Variants in DIP2C observed in about 807,000 individuals in gnomAD.
DIP2C encodes DIP2 acetate--CoA ligase C (putative), also known as disco-interacting protein 2 homolog C.
In DIP2C, 33 loss-of-function variants were observed where a neutral mutation model predicts 192.4. The ratio of observed to expected loss-of-function variants is 0.17; its 90% CI spans 0.13 to 0.23. The LOEUF is 0.23. Ranked by LOEUF, DIP2C falls within the 10% of genes least tolerant of loss-of-function variation. The probability of loss-of-function intolerance (pLI) is 1.00; values close to 1 mark genes in which losing one functional copy is unlikely to be tolerated. For synonymous variants in DIP2C, 979 were observed against 864.1 expected (o/e 1.13, Z -2.33); for missense variants, 1,537 against 2,110.1 (o/e 0.73, Z 5.32).
Position 544,198 on chromosome 10 carries a change from T to G in DIP2C, c.86-57668A>C, listed in dbSNP as rs145308769. Among the ~76,000 whole-genome samples the G allele has an allele frequency of 3.9e-3, 585 of 151,892 alleles. 9 individuals carry two copies. The highest frequency in any genetic ancestry group is 0.013 in the African/African-American group (548 of 41,198). The stretch of plus-strand genomic sequence containing the variant: ...TCTTTCCCGTTCAAGGTGAGTGGAA[T>G]TGCACAGTGCTTGACCTTTGGTGTG... On this transcript the variant is annotated intron_variant, in intron 1 of 36. Transcript: ENST00000280886.
At chr10:293,172 A>C (rs1955576957) in intron 32 of DIP2C, among the ~76,000 whole-genome samples, 1 of 152,130 alleles carries the variant, frequency 6.6e-6, no homozygotes, top group Admixed American at 6.5e-5. Flanking sequence ...CCACACCACT[A>C]CTCAGCACTG....
chr10:408,977 A>G lies in DIP2C; in HGVS notation c.1098T>C (p.Ile366=), dbSNP rs1166119101. 6.2e-7 allele frequency: 1 copy of G among 1,614,176 alleles called. No homozygotes were observed. The highest frequency in any genetic ancestry group is 2.2e-5 in the East Asian group (1 of 44,886). ...WTRSMKVAYS[I]LHKLGTKQEP... is the part of the protein sequence containing the mutation. ...CCTGCTTTGTGCCTAATTTGTGTAG[A>G]ATGCTGTAAGCGACCTTCATACTTC... is the stretch of plus-strand genomic sequence containing the variant. The change falls in exon 9 of 37, where the codon ATT becomes ATC. Residue 366 remains isoleucine (I), a synonymous_variant. Coordinates refer to ENST00000280886, the MANE Select transcript of DIP2C (RefSeq NM_014974.3).
At chr10:627,232 C>T (rs1854256970) in intron 1 of DIP2C, among the ~76,000 whole-genome samples, 3 of 152,370 alleles carry the variant, frequency 2.0e-5, no homozygotes, top group African/African-American at 7.2e-5. Flanking sequence ...TGCTTTCCCT[C>T]CAGGCGTCAT....
chr10:390,506 A>G, intron 11 of DIP2C, 133 bp from the exon 12 acceptor site: 2 of 1,068,744 alleles, frequency 1.9e-6, no homozygotes, highest in Non-Finnish European at 2.8e-6. Flanking sequence ...ACTTCACGAG[A>G]TCTAAGACAT....
Position 366,337 on chromosome 10 carries a change from A to G in DIP2C, c.2206T>C (p.Cys736Arg). 6.2e-7 allele frequency: 1 copy of G among 1,614,196 alleles called. No individual in the cohort carries two copies. Among genetic ancestry groups the G allele is most frequent in the Non-Finnish European group, 8.5e-7 (1 of 1,180,024 alleles). Residue 736 changes from cysteine (C) to arginine (R), a missense_variant, in exon 19 of 37, where the codon TGT becomes CGT. This residue lies in a region of DIP2C where 677 missense variants were observed against 989.9 expected (regional missense o/e 0.68). Coordinates refer to ENST00000280886, the MANE Select transcript of DIP2C (RefSeq NM_014974.3). ...RTDEIGELCV[C>R]AVATGTSYYG... Reference sequence around the variant, plus strand: ...TAGGACGTGCCCGTCGCAACTGCACACACACACAGCTCCCCGATCTCATCC... The same window carrying G: ...TAGGACGTGCCCGTCGCAACTGCACGCACACACAGCTCCCCGATCTCATCC...
At chr10:344,670 G>A (rs971322521) in intron 28 of DIP2C, 139 bp downstream of exon 28, 19 of 697,300 alleles carry the variant, frequency 2.7e-5, no homozygotes, top group East Asian at 5.4e-5. Context: ...GTCATACCGT[G>A]AATGAAACAC....
intron 9 of DIP2C, among the ~76,000 whole-genome samples, chr10:404,193 G>A (rs1964633956): frequency 6.8e-6 from 1 of 147,890 alleles, no homozygotes; most frequent in Admixed American, 6.9e-5. Flanking sequence ...CATCATTTTT[G>A]CATTACTTCA....
intron 32 of DIP2C, among the ~76,000 whole-genome samples, chr10:299,862 T>C (rs1389666462): frequency 6.6e-6 from 1 of 152,102 alleles, no homozygotes; most frequent in African/African-American, 2.4e-5. Flanking sequence ...AAAACTTGAA[T>C]AGTCATTTCT....
At chr10:455,465 C>T (rs1745323746) in intron 3 of DIP2C, among the ~76,000 whole-genome samples, 2 of 98,948 alleles carry the variant, frequency 2.0e-5, no homozygotes, top group African/African-American at 7.4e-5. Context: ...GAGATGAAAA[C>T]ACTCTGCAGT....
At chr10:321,458 C>T (rs1345244888) in intron 31 of DIP2C, among the ~76,000 whole-genome samples, 3 of 152,354 alleles carry the variant, frequency 2.0e-5, no homozygotes, top group East Asian at 1.9e-4. Context: ...TGCTCCCTAT[C>T]TCCTGGAGAT....
intron 1 of DIP2C, among the ~76,000 whole-genome samples, chr10:607,147 C>G (rs1476061363): frequency 6.6e-6 from 1 of 152,338 alleles, no homozygotes; most frequent in South Asian, 2.1e-4. Flanking sequence ...CCCTGAAGTC[C>G]GCTGAGATTT....
chr10:441,777 T>TA (rs1306264458), intron 3 of DIP2C, among the ~76,000 whole-genome samples: 1 of 152,240 alleles, frequency 6.6e-6, no homozygotes, highest in Non-Finnish European at 1.5e-5. Flanking sequence ...AATGGACTAA[T>TA]ACAACCATTA....
At chr10:462,782 G>A (rs1366364079) in intron 3 of DIP2C, among the ~76,000 whole-genome samples, 2 of 152,136 alleles carry the variant, frequency 1.3e-5, no homozygotes, top group African/African-American at 4.8e-5. Flanking sequence ...TCAATAAAAT[G>A]CTGGCAAACT....
chr10:469,024 C>A (rs1387343632), intron 3 of DIP2C, among the ~76,000 whole-genome samples: 1 of 151,590 alleles, frequency 6.6e-6, no homozygotes, highest in African/African-American at 2.4e-5. Flanking sequence ...TGAGCTGACA[C>A]CTTGGTGTCA....
intron 5 of DIP2C, among the ~76,000 whole-genome samples, chr10:421,415 C>T (rs886970626): frequency 1.1e-4 from 17 of 152,304 alleles, no homozygotes; most frequent in African/African-American, 4.1e-4. Flanking sequence ...AATGCTTCCC[C>T]CAAGTGGCAG....
chr10:493,052 G>A (rs1844562590), intron 1 of DIP2C, among the ~76,000 whole-genome samples: 1 of 152,224 alleles, frequency 6.6e-6, no homozygotes, highest in Non-Finnish European at 1.5e-5. Flanking sequence ...TTGTGAGTTT[G>A]AGGAGACTCC....
chr10:505,045 G>A (rs1038768090), intron 1 of DIP2C, among the ~76,000 whole-genome samples: 1 of 152,068 alleles, frequency 6.6e-6, no homozygotes, highest in African/African-American at 2.4e-5. Context: ...CCCTCCAAGG[G>A]ATACTATTCT....
intron 36 of DIP2C, among the ~76,000 whole-genome samples, chr10:277,822 T>C (rs1954594380): frequency 6.6e-6 from 1 of 152,086 alleles, no homozygotes; most frequent in Non-Finnish European, 1.5e-5. Flanking sequence ...TGTTTCACCA[T>C]CTTCCCGAGT....
intron 4 of DIP2C, among the ~76,000 whole-genome samples, chr10:425,971 C>G (rs1243879745): frequency 6.6e-6 from 1 of 152,168 alleles, no homozygotes; most frequent in Non-Finnish European, 1.5e-5. Flanking sequence ...AAGATGTCCC[C>G]TCTTGCCACT....
Sources: allele counts gnomAD v4.1 joint callset (sites outside exome capture counted in the v4.1 genomes callset), GRCh38; gene constraint gnomAD v4.1.1; regional missense constraint gnomAD v4.1.1; transcripts MANE v1.5; gene names NCBI Gene and HGNC (gene_info 2026-07-23, HGNC 2026-07-21).